Variants in SERAC1 observed in about 807,000 individuals in gnomAD.
The protein encoded by SERAC1 is protein SERAC1.
In SERAC1, 36 loss-of-function variants were observed where a neutral mutation model predicts 85.7. The observed-to-expected ratio is 0.42, with a 90% confidence interval of 0.32 to 0.55. SERAC1 has a LOEUF of 0.55. Among genes scored for constraint, SERAC1 ranks in the 20% least tolerant of loss-of-function variants. SERAC1 has a pLI of 0.11. For synonymous variants in SERAC1, 242 were observed against 265.3 expected (o/e 0.91, Z 0.85); for missense variants, 629 against 796.2 (o/e 0.79, Z 2.53).
Position 158,140,340 on chromosome 6 carries a change from A to G in SERAC1, c.738+2716T>C, listed in dbSNP as rs573716629. 1.2e-3 allele frequency among the ~76,000 whole-genome samples: 178 copies of G among 152,326 alleles called. 1 individual carries two copies. Among genetic ancestry groups the G allele is most frequent in the Middle Eastern group, 3.4e-3 (1 of 294 alleles). The stretch of plus-strand genomic sequence containing the variant: ...AGGTTGAGGTGATCACCAAAGGTCA[A>G]TGAGTCAATCAATCATGCCAACTGA... On this transcript the variant is annotated intron_variant, in intron 8 of 16. Coordinates refer to ENST00000647468, the MANE Select transcript of SERAC1 (RefSeq NM_032861.4).
chr6:158,139,865 A>C (rs1784876508), intron 8 of SERAC1, among the ~76,000 whole-genome samples: 1 of 152,280 alleles, frequency 6.6e-6, no homozygotes, highest in Non-Finnish European at 1.5e-5. Context: ...AGCATTAGGA[A>C]ATGCAAATCA....
chr6:158,158,254 TTGTTTAAGC>T lies in SERAC1; in HGVS notation c.91+10_91+18del. The T allele has an allele frequency of 6.5e-7, 1 of 1,546,168 alleles. No homozygotes were observed. Among genetic ancestry groups the T allele is most frequent in the Non-Finnish European group, 8.9e-7 (1 of 1,125,476 alleles). ...CACTGTTCCTATAAGAAAATAAGAG[TTGTTTAAGC>T]TGTACTCACTGATATCTCTCCAGTG... On this transcript the variant is annotated intron_variant, in intron 2 of 16. Coordinates refer to ENST00000647468, the MANE Select transcript of SERAC1 (RefSeq NM_032861.4).
Position 158,111,317 on chromosome 6 carries a change from C to G in SERAC1, c.*49G>C, listed in dbSNP as rs1380049977. The G allele has an allele frequency of 6.6e-7, 1 of 1,507,990 alleles. No homozygotes were observed. Among genetic ancestry groups the G allele is most frequent in the Non-Finnish European group, 8.9e-7 (1 of 1,126,036 alleles). The allele number at this position is 1,507,990 out of a possible 1,614,324, so 93.4% of individuals were successfully genotyped here. A position where few individuals can be genotyped will look rare whatever the true frequency, so the allele number is the denominator to read the frequency against. ...GAGCTTAAAAGAAGAAACAGAACAC[C>G]AAGTTTCTTGCACTGAATTCACATA... is the stretch of plus-strand genomic sequence containing the variant. On this transcript the variant is annotated 3_prime_UTR_variant, in exon 17 of 17. Coordinates refer to ENST00000647468, the MANE Select transcript of SERAC1 (RefSeq NM_032861.4).
At chr6:158,149,897 T>C (rs1043599482) in intron 4 of SERAC1, among the ~76,000 whole-genome samples, 1 of 152,204 alleles carries the variant, frequency 6.6e-6, no homozygotes, top group African/African-American at 2.4e-5. Context: ...GAGGAAAATA[T>C]ACTCCTCTGC....
Position 158,127,343 on chromosome 6 carries a change from C to A in SERAC1, c.1015+765G>T, listed in dbSNP as rs1356365411. 1.5e-3 allele frequency among the ~76,000 whole-genome samples: 10 copies of A among 6,742 alleles called. No homozygotes were observed. The South Asian group carries it at 0.039, about 26-fold the overall frequency. 4.4% of individuals were successfully genotyped at this position (6,742 alleles called of 152,430 possible). Reference sequence around the variant, plus strand: ...CTGGGAAGTGAGGAGCCCCTCTGCCCGGCCAGCCGCCCCGTCCGGGAGGGA... The same window carrying A: ...CTGGGAAGTGAGGAGCCCCTCTGCCAGGCCAGCCGCCCCGTCCGGGAGGGA... On this transcript the variant is annotated intron_variant, in intron 10 of 16. Coordinates refer to ENST00000647468, the MANE Select transcript of SERAC1 (RefSeq NM_032861.4).
intron 16 of SERAC1, chr6:158,112,571 TCTA>T (rs1784174018): frequency 6.6e-6 from 1 of 151,960 alleles, no homozygotes. Flanking sequence ...ATTTTTCAGT[TCTA>T]CTACACAGTA....
intron 3 of SERAC1, among the ~76,000 whole-genome samples, chr6:158,150,882 C>T (rs142359090): frequency 4.4e-4 from 67 of 152,338 alleles, no homozygotes; most frequent in Non-Finnish European, 8.2e-4. Flanking sequence ...TGTGGTGATG[C>T]TGTGTAAACA....
intron 6 of SERAC1, 64 bp downstream of exon 6, chr6:158,146,718 G>A: frequency 1.9e-6 from 3 of 1,598,532 alleles, no homozygotes; most frequent in Non-Finnish European, 2.6e-6. Context: ...CCACTCCCTT[G>A]TCTTTTATGT....
At chr6:158,123,523 G>A (rs190094107) in intron 10 of SERAC1, among the ~76,000 whole-genome samples, 4 of 152,310 alleles carry the variant, frequency 2.6e-5, no homozygotes, top group Non-Finnish European at 4.4e-5. Flanking sequence ...TAAGGAACAC[G>A]TAGAAGGTTT....
chr6:158,113,893 C>CACA (rs34725820), intron 15 of SERAC1, among the ~76,000 whole-genome samples: 27 of 152,034 alleles, frequency 1.8e-4, no homozygotes, highest in African/African-American at 6.5e-4. Flanking sequence ...ATGATGGCAC[C>CACA]ACAACACCCA....
intron 8 of SERAC1, among the ~76,000 whole-genome samples, chr6:158,131,890 G>A (rs1231645781): frequency 3.9e-5 from 6 of 152,100 alleles, no homozygotes; most frequent in Admixed American, 6.6e-5. Context: ...ATGCCATGCC[G>A]GTCTGAAAAT....
chr6:158,133,850 T>TG (rs1282913728), intron 8 of SERAC1, among the ~76,000 whole-genome samples: 1 of 152,060 alleles, frequency 6.6e-6, no homozygotes. Flanking sequence ...TAAACTTGGA[T>TG]GGAAAAAAAA....
At chr6:158,166,440 C>T (rs1050545893) in intron 1 of SERAC1, among the ~76,000 whole-genome samples, 1 of 126,704 alleles carries the variant, frequency 7.9e-6, no homozygotes, top group African/African-American at 2.8e-5. Flanking sequence ...AGGGAGAGAC[C>T]TTATTTTTCT....
chr6:158,112,417 A>G (rs2128409671), intron 16 of SERAC1: 1 of 150,938 alleles, frequency 6.6e-6, no homozygotes, highest in African/African-American at 2.4e-5. Context: ...TGTCTCTTAA[A>G]AACAAAAACA....
intron 10 of SERAC1, among the ~76,000 whole-genome samples, chr6:158,125,132 A>G (rs891369966): frequency 6.6e-6 from 1 of 152,186 alleles, no homozygotes; most frequent in African/African-American, 2.4e-5. Flanking sequence ...TGAAGAGGTG[A>G]GCCTTTAAGA....
intron 1 of SERAC1, among the ~76,000 whole-genome samples, chr6:158,166,840 A>AC (rs1785609350): frequency 1.3e-5 from 2 of 152,110 alleles, no homozygotes; most frequent in African/African-American, 2.4e-5. Context: ...CATTTCTGAC[A>AC]TCCCCCTGGC....
At chr6:158,153,425 C>T (rs1410845918) in intron 3 of SERAC1, among the ~76,000 whole-genome samples, 1 of 152,186 alleles carries the variant, frequency 6.6e-6, no homozygotes, top group Non-Finnish European at 1.5e-5. Flanking sequence ...ATATCTTATA[C>T]ATCTGTACTG....
At chr6:158,164,300 C>T (rs1004185091) in intron 1 of SERAC1, among the ~76,000 whole-genome samples, 3 of 151,760 alleles carry the variant, frequency 2.0e-5, no homozygotes, top group Non-Finnish European at 4.4e-5. Context: ...CCGGTGAAAC[C>T]CCATCTCTAC....
intron 2 of SERAC1, among the ~76,000 whole-genome samples, 186 bp downstream of exon 2, chr6:158,158,087 C>A (rs980337781): frequency 7.2e-5 from 11 of 152,094 alleles, no homozygotes; most frequent in African/African-American, 1.2e-4. Flanking sequence ...GAAAATAATT[C>A]TCAAGAAAAA....
Sources: allele counts gnomAD v4.1 joint callset (sites outside exome capture counted in the v4.1 genomes callset), GRCh38; gene constraint gnomAD v4.1.1; transcripts MANE v1.5; gene names NCBI Gene and HGNC (gene_info 2026-07-23, HGNC 2026-07-21).